Variants in RHOA observed in about 807,000 individuals in gnomAD.
RHOA encodes the protein transforming protein RhoA.
In RHOA, 3 loss-of-function variants were observed where a neutral mutation model predicts 17.5. That is an observed-to-expected ratio of 0.17 (90% CI 0.08 to 0.44). The LOEUF is 0.44. Ranked by LOEUF, RHOA falls within the 20% of genes least tolerant of loss-of-function variation. The pLI is 0.99. For synonymous variants in RHOA, 98 were observed against 88.4 expected, an observed-to-expected ratio of 1.11 and a Z score of -0.61; for missense variants, 56 against 242.3, an observed-to-expected ratio of 0.23 and a Z score of 5.10.
intron 2 of RHOA, among the ~76,000 whole-genome samples, chr3:49,373,990 C>A (rs149096477): frequency 9.2e-5 from 14 of 152,138 alleles, no homozygotes; most frequent in African/African-American, 3.4e-4. Flanking sequence ...AATGGGGAAG[C>A]ACTGTTCTCA....
chr3:49,397,838 CAT>C (rs2048644089), intron 1 of RHOA, among the ~76,000 whole-genome samples: 1 of 152,058 alleles, frequency 6.6e-6, no homozygotes, highest in Non-Finnish European at 1.5e-5. Flanking sequence ...GAAGCAAGAT[CAT>C]AACAGCTGAT....
chr3:49,375,640 G>T lies in RHOA; in HGVS notation c.-2-49C>A, dbSNP rs774364118. The T allele has an allele frequency of 2.5e-6, 4 of 1,580,666 alleles. No homozygotes were observed. The Admixed American group carries it at 6.9e-5, about 27-fold the overall frequency. On this transcript the variant is annotated intron_variant, in intron 1 of 4. Coordinates refer to ENST00000418115, the MANE Select transcript of RHOA (RefSeq NM_001664.4). ...ACCTGCAATGCACAAGAAGTCATAG[G>T]TAGCTTACAGGATGACACATGCTTT...
At chr3:49,379,414 G>A (rs957352265) in intron 1 of RHOA, among the ~76,000 whole-genome samples, 13 of 152,146 alleles carry the variant, frequency 8.5e-5, no homozygotes, top group Non-Finnish European at 1.2e-4. Context: ...ATGGAATACT[G>A]GAGTTTCTCA....
intron 3 of RHOA, among the ~76,000 whole-genome samples, chr3:49,364,801 G>A (rs187087877): frequency 9.5e-4 from 143 of 150,912 alleles, no homozygotes; most frequent in Non-Finnish European, 1.5e-3. Flanking sequence ...TTGAAACCCT[G>A]TCTCTACTAA....
chr3:49,408,175 AAAAT>A (rs1179631806), intron 1 of RHOA, among the ~76,000 whole-genome samples: 4 of 146,594 alleles, frequency 2.7e-5, no homozygotes, highest in East Asian at 3.9e-4. Flanking sequence ...GAAAAAAAAA[AAAAT>A]ATATATATAT....
chr3:49,369,539 C>A (rs566919479), intron 2 of RHOA, among the ~76,000 whole-genome samples: 18 of 150,100 alleles, frequency 1.2e-4, no homozygotes, highest in African/African-American at 4.4e-4. Flanking sequence ...TCGAGACCAG[C>A]CTGGGCAACA....
intron 1 of RHOA, among the ~76,000 whole-genome samples, chr3:49,397,129 CAAA>C (rs141767876): frequency 5.8e-5 from 5 of 86,226 alleles, no homozygotes; most frequent in Admixed American, 4.3e-4. Flanking sequence ...AATCCTGTCT[CAAA>C]AAAAAAAAAA....
At chr3:49,389,724 G>A (rs759908539) in intron 1 of RHOA, among the ~76,000 whole-genome samples, 15 of 151,650 alleles carry the variant, frequency 9.9e-5, no homozygotes, top group East Asian at 2.0e-4. Flanking sequence ...GGCGGATCAC[G>A]AGGTCAGGAT....
chr3:49,390,177 C>T (rs2048473275), intron 1 of RHOA, among the ~76,000 whole-genome samples: 2 of 151,746 alleles, frequency 1.3e-5, no homozygotes, highest in South Asian at 4.2e-4. Flanking sequence ...CTCTGTCACC[C>T]AGGCTGGAAT....
At chr3:49,375,787 A>G (rs181523024) in intron 1 of RHOA, among the ~76,000 whole-genome samples, 196 bp from the exon 2 acceptor site, 2 of 152,274 alleles carry the variant, frequency 1.3e-5, no homozygotes, top group African/African-American at 4.8e-5. Flanking sequence ...CTTAATGGTA[A>G]AAGACTGAAA....
chr3:49,397,642 G>C (rs772836843), intron 1 of RHOA, among the ~76,000 whole-genome samples: 5 of 152,104 alleles, frequency 3.3e-5, no homozygotes, highest in Non-Finnish European at 5.9e-5. Context: ...CTGCAGCTAG[G>C]TGGGGTATTA....
intron 2 of RHOA, among the ~76,000 whole-genome samples, chr3:49,370,805 AG>A (rs2048136327): frequency 6.6e-6 from 1 of 152,104 alleles, no homozygotes; most frequent in African/African-American, 2.4e-5. Context: ...AGGCCCTTTG[AG>A]GCCCAAGAGG....
intron 1 of RHOA, among the ~76,000 whole-genome samples, chr3:49,391,823 C>CTTTTTTTTTTT (rs59591685): frequency 1.0e-5 from 1 of 99,672 alleles, no homozygotes; most frequent in Non-Finnish European, 1.9e-5. Flanking sequence ...ATTAATTTAT[C>CTTTTTTTTTTT]TTTTTTTTTT....
At chr3:49,388,893 A>C (rs988687390) in intron 1 of RHOA, among the ~76,000 whole-genome samples, 2 of 152,206 alleles carry the variant, frequency 1.3e-5, no homozygotes, top group African/African-American at 4.8e-5. Context: ...ACTACTCAGC[A>C]ACAATAAGGA....
chr3:49,366,511 G>C (rs2048059660), intron 3 of RHOA: 1 of 152,244 alleles, frequency 6.6e-6, no homozygotes, highest in South Asian at 2.1e-4. Context: ...GCTGAGACAG[G>C]AGATTTGCTT....
intron 1 of RHOA, among the ~76,000 whole-genome samples, chr3:49,404,160 G>T (rs371481218): frequency 7.3e-6 from 1 of 137,250 alleles, no homozygotes; most frequent in Non-Finnish European, 1.6e-5. Context: ...TATTAGCTGG[G>T]CGCAGTGGCA....
At chr3:49,381,606 C>A (rs948201697) in intron 1 of RHOA, among the ~76,000 whole-genome samples, 5 of 151,642 alleles carry the variant, frequency 3.3e-5, no homozygotes, top group Admixed American at 3.3e-4. Context: ...GTGGCTCACG[C>A]CTGTAATCCC....
intron 3 of RHOA, among the ~76,000 whole-genome samples, chr3:49,365,589 T>C (rs1054451167): frequency 2.4e-5 from 1 of 42,144 alleles, no homozygotes; most frequent in African/African-American, 8.0e-5. Flanking sequence ...ATTTTCAAAC[T>C]TTTTTTTTTT....
chr3:49,411,689 G>A (rs980222200), intron 1 of RHOA, 131 bp downstream of exon 1: 1 of 152,172 alleles, frequency 6.6e-6, no homozygotes, highest in Non-Finnish European at 1.5e-5. Flanking sequence ...AAGGGTCAGG[G>A]GCCAGGGGCG....
Sources: gnomAD v4.1 joint callset for allele counts (sites outside exome capture counted in the v4.1 genomes callset) on GRCh38, gnomAD v4.1.1 for gene constraint, MANE v1.5 for transcripts, NCBI Gene and HGNC (gene_info 2026-07-23, HGNC 2026-07-21) for gene names.